OPALIN: variants seen among roughly 807,000 people sequenced by gnomAD.
The protein encoded by OPALIN is oligodendrocytic myelin paranodal and inner loop protein.
A neutral mutation model predicts 17.8 loss-of-function variants in OPALIN; 15 were observed. That is an observed-to-expected ratio of 0.84 (90% CI 0.56 to 1.29). The LOEUF (loss-of-function observed/expected upper bound fraction) is 1.29, where lower values mean the gene tolerates loss of function less well. Among genes scored for constraint, OPALIN ranks in the 50% most tolerant of loss-of-function variants. The probability of loss-of-function intolerance (pLI) is 0.00; values close to 1 mark genes in which losing one functional copy is unlikely to be tolerated. For synonymous variants in OPALIN, 62 were observed against 63.8 expected, an observed-to-expected ratio of 0.97 and a Z score of 0.14; for missense variants, 170 against 176.0, an observed-to-expected ratio of 0.97 and a Z score of 0.19.
chr10:96,346,044 A>G lies in OPALIN; in HGVS notation c.323T>C (p.Val108Ala), dbSNP rs200976160. The G allele has an allele frequency of 6.2e-7, 1 of 1,614,102 alleles. No individual in the cohort carries two copies. The highest frequency in any genetic ancestry group is 8.5e-7 in the Non-Finnish European group (1 of 1,179,950). Residue 108 changes from valine (V) to alanine (A), a missense_variant, in exon 6 of 6, where the codon GTA becomes GCA. Coordinates refer to ENST00000371172, the MANE Select transcript of OPALIN (RefSeq NM_033207.5). ...AQEAHIYVKT[V>A]AGSEEPVHDR... ...ATGCACAGGTTCCTCGCTTCCTGCT[A>G]CAGTCTTCACATATATGTGGGCCTC...
At chr10:96,348,209 T>C in intron 5 of OPALIN, 80 bp downstream of exon 5, 2 of 667,234 alleles carry the variant, frequency 3.0e-6, no homozygotes, top group Non-Finnish European at 5.1e-6. Flanking sequence ...ATACTGTGCT[T>C]CTTTTGGTGA....
intron 1 of OPALIN, 87 bp downstream of exon 1, chr10:96,358,802 CCTTTA>C: frequency 1.6e-6 from 2 of 1,271,600 alleles, no homozygotes; most frequent in South Asian, 1.2e-5. Flanking sequence ...AAATAAAGTC[CCTTTA>C]CTTCATTGTA....
chr10:96,350,268 T>C (rs558442345), intron 3 of OPALIN, among the ~76,000 whole-genome samples: 63 of 152,128 alleles, frequency 4.1e-4, no homozygotes, highest in Non-Finnish European at 6.8e-4. Flanking sequence ...CAGGCTGGAG[T>C]GCAATGGCAC....
In OPALIN at chr10:96,343,565, T is replaced by C. The variant is rs1317038276; in HGVS notation, c.*2376A>G. 1 of 152,186 alleles carries C rather than the reference T, an allele frequency of 6.6e-6. No individual in the cohort carries two copies. The highest frequency in any genetic ancestry group is 1.5e-5 in the Non-Finnish European group (1 of 68,026). 9.4% of individuals were successfully genotyped at this position (152,186 alleles called of 1,614,324 possible). A position where few individuals can be genotyped will look rare whatever the true frequency, so the allele number is the denominator to read the frequency against. ...CAATCGGCCCAAGGGCTGACACCTA[T>C]AAGTATCAAAGCCAAGGCCACGGCT... On this transcript the variant is annotated 3_prime_UTR_variant, in exon 6 of 6. Coordinates refer to ENST00000371172, the MANE Select transcript of OPALIN (RefSeq NM_033207.5).
intron 2 of OPALIN, among the ~76,000 whole-genome samples, chr10:96,354,566 G>C (rs1322556618): frequency 1.3e-5 from 2 of 152,104 alleles, no homozygotes; most frequent in Admixed American, 1.3e-4. Context: ...AAAACATTTA[G>C]ATATAAAATT....
intron 2 of OPALIN, chr10:96,353,297 G>T: frequency 7.5e-7 from 1 of 1,332,724 alleles, no homozygotes; most frequent in South Asian, 1.3e-5. Flanking sequence ...CTGGCCAGCA[G>T]GGAGCCCTGT....
In OPALIN at chr10:96,345,417, C is replaced by A. The variant is rs561917568; in HGVS notation, c.*524G>T. 1 of 152,708 alleles carries A rather than the reference C, an allele frequency of 6.5e-6. No individual in the cohort carries two copies. The highest frequency in any genetic ancestry group is 3.4e-3 in the Middle Eastern group (1 of 296). The allele number at this position is 152,708 out of a possible 1,614,324, so 9.5% of individuals were successfully genotyped here. On this transcript the variant is annotated 3_prime_UTR_variant, in exon 6 of 6. Coordinates refer to ENST00000371172, the MANE Select transcript of OPALIN (RefSeq NM_033207.5). The stretch of plus-strand genomic sequence containing the variant: ...TCCACTGCTGTGTGACATGATTGAG[C>A]CAGGTGCTTCCCTGTGGTCAGGGAA...
At position 96,358,875 on chromosome 10, in the gene OPALIN, G is replaced by T. The variant is rs1564888689; in HGVS notation, c.3+19C>A. 6.2e-7 allele frequency: 1 copy of T among 1,613,736 alleles called. No individual in the cohort carries two copies. The highest frequency in any genetic ancestry group is 1.3e-5 in the African/African-American group (1 of 75,054). On this transcript the variant is annotated intron_variant, in intron 1 of 5. Transcript: ENST00000371172. ...AGAAATGAAAGTTCGATTGAGAAGA[G>T]ATGCCAGCTTTCACTCACCATTTCT...
intron 4 of OPALIN, among the ~76,000 whole-genome samples, chr10:96,349,169 AT>A (rs1190345106): frequency 6.6e-6 from 1 of 152,220 alleles, no homozygotes; most frequent in East Asian, 1.9e-4. Context: ...TGTCACAACC[AT>A]GGAACCTTGT....
At chr10:96,350,024 T>C (rs1396245322) in intron 3 of OPALIN, among the ~76,000 whole-genome samples, 198 bp from the exon 4 acceptor site, 2 of 152,230 alleles carry the variant, frequency 1.3e-5, no homozygotes, top group Non-Finnish European at 2.9e-5. Flanking sequence ...TAGGACTTAA[T>C]TTACACAGTT....
chr10:96,352,140 C>A (rs17387939), intron 2 of OPALIN, among the ~76,000 whole-genome samples: 12,986 of 152,146 alleles, frequency 0.085, 583 homozygotes, highest in Non-Finnish European at 0.098. Flanking sequence ...TCTATCTACA[C>A]AATATCTACA....
At chr10:96,353,303 C>A (rs1157554796) in intron 2 of OPALIN, 1 of 1,405,866 alleles carries the variant, frequency 7.1e-7, no homozygotes, top group African/African-American at 1.4e-5. Context: ...AGCAGGGAGC[C>A]CTGTTCCAAA....
chr10:96,358,807 A>G, intron 1 of OPALIN, 87 bp downstream of exon 1: 8 of 1,342,106 alleles, frequency 6.0e-6, no homozygotes, highest in Middle Eastern at 1.8e-4. Flanking sequence ...AAGTCCCTTT[A>G]CTTCATTGTA....
chr10:96,350,986 C>T (rs565361619), intron 3 of OPALIN, among the ~76,000 whole-genome samples: 3 of 152,140 alleles, frequency 2.0e-5, no homozygotes, highest in Non-Finnish European at 2.9e-5. Flanking sequence ...ATGAGGAATA[C>T]ACCCATAAGA....
Position 96,351,489 on chromosome 10 carries a change from T to C in OPALIN, c.40-79A>G, listed in dbSNP as rs41313477. On this transcript the variant is annotated intron_variant, in intron 2 of 5. Coordinates refer to ENST00000371172, the MANE Select transcript of OPALIN (RefSeq NM_033207.5). ...CATTATACAAGACAATCTGCCAAAG[T>C]TTAGGCTATAAAGCCTAAAGTTTAT... 5.3e-3 allele frequency: 4,527 copies of C among 848,590 alleles called. 26 individuals carry two copies. Among genetic ancestry groups the C allele is most frequent in the Non-Finnish European group, 7.3e-3 (4,149 of 565,574 alleles). The allele number at this position is 848,590 out of a possible 1,614,324, so 52.6% of individuals were successfully genotyped here. A position where few individuals can be genotyped will look rare whatever the true frequency, so the allele number is the denominator to read the frequency against.
chr10:96,346,517 C>A (rs187793394), intron 5 of OPALIN, among the ~76,000 whole-genome samples: 1 of 152,110 alleles, frequency 6.6e-6, no homozygotes, highest in Non-Finnish European at 1.5e-5. Flanking sequence ...CCTGTTAATT[C>A]GGGTATCTAG....
At chr10:96,351,291 A>T in intron 3 of OPALIN, 87 bp downstream of exon 3, 1 of 820,108 alleles carries the variant, frequency 1.2e-6, no homozygotes, top group South Asian at 1.6e-5. Context: ...CAGTTCACCT[A>T]TCAAACTTTA....
intron 1 of OPALIN, among the ~76,000 whole-genome samples, chr10:96,358,184 TG>T (rs1366738500): frequency 1.1e-4 from 2 of 18,068 alleles, no homozygotes; most frequent in African/African-American, 3.9e-4. Flanking sequence ...CAATGCTTTT[TG>T]TAAAAAAAAA....
Position 96,346,027 on chromosome 10 carries a change from G to C in OPALIN, c.340C>G (p.Pro114Ala), listed in dbSNP as rs760067617. The change falls in exon 6 of 6, where the codon CCT (proline) becomes GCT (alanine). Residue 114 changes from proline (P) to alanine (A), a missense_variant. Transcript: ENST00000371172. The stretch of plus-strand genomic sequence containing the variant: ...GTAGGACGGTAACGGTCATGCACAG[G>C]TTCCTCGCTTCCTGCTACAGTCTTC... ...YVKTVAGSEEPVHDRYRPTIE... is the reference protein window; with the variant it reads ...YVKTVAGSEEAVHDRYRPTIE... 2 of 1,614,126 alleles carry C rather than the reference G, an allele frequency of 1.2e-6. No individual in the cohort carries two copies. Among genetic ancestry groups the C allele is most frequent in the East Asian group, 4.5e-5 (2 of 44,886 alleles).
Sources: allele counts gnomAD v4.1 joint callset (sites outside exome capture counted in the v4.1 genomes callset), GRCh38; gene constraint gnomAD v4.1.1; transcripts MANE v1.5; gene names NCBI Gene and HGNC (gene_info 2026-07-23, HGNC 2026-07-21).